Variants in KALRN observed in about 807,000 individuals in gnomAD.
KALRN encodes kalirin.
In KALRN, 70 loss-of-function variants were observed where a neutral mutation model predicts 353.7. The observed-to-expected ratio is 0.20, with a 90% CI of 0.16 to 0.24. The LOEUF is 0.24. Ranked by LOEUF, KALRN falls within the 10% of genes least tolerant of loss-of-function variation. The pLI, the probability that KALRN is intolerant of heterozygous loss-of-function variation, is 1.00. For synonymous variants in KALRN, 1,391 were observed against 1,434.8 expected (o/e 0.97, Z 0.69); for missense variants, 2,791 against 3,756.7 (o/e 0.74, Z 6.72).
chr3:124,409,338 A>G (rs2091923508), intron 13 of KALRN, among the ~76,000 whole-genome samples: 1 of 152,228 alleles, frequency 6.6e-6, no homozygotes. Flanking sequence ...GAGTTAAATC[A>G]CTAAATTCAC....
intron 3 of KALRN, among the ~76,000 whole-genome samples, chr3:124,244,979 CA>C (rs1187591989): frequency 1.3e-5 from 2 of 152,036 alleles, no homozygotes; most frequent in South Asian, 2.1e-4. Context: ...AGAAATTTAT[CA>C]TTTTTTTTGT....
At chr3:124,595,253 G>A (rs893727363) in intron 34 of KALRN, among the ~76,000 whole-genome samples, 2 of 151,592 alleles carry the variant, frequency 1.3e-5, no homozygotes, top group Non-Finnish European at 2.9e-5. Context: ...CATATTGAAC[G>A]ACTTCTACTA....
intron 1 of KALRN, among the ~76,000 whole-genome samples, chr3:124,057,568 C>T (rs933635695): frequency 6.6e-6 from 1 of 152,028 alleles, no homozygotes; most frequent in Non-Finnish European, 1.5e-5. Flanking sequence ...TGCAGCAGTC[C>T]TTATTGATTG....
At chr3:124,673,727 G>T (rs1214137146) in intron 48 of KALRN, among the ~76,000 whole-genome samples, 6 of 152,026 alleles carry the variant, frequency 3.9e-5, no homozygotes, top group African/African-American at 1.4e-4. Context: ...AGAGGCAGCT[G>T]CCCTGAAATA....
At chr3:124,302,800 T>C (rs1371626712) in intron 6 of KALRN, among the ~76,000 whole-genome samples, 1 of 151,898 alleles carries the variant, frequency 6.6e-6, no homozygotes, top group Non-Finnish European at 1.5e-5. Flanking sequence ...ATGGCTACCT[T>C]CTCACTGTGC....
intron 51 of KALRN, among the ~76,000 whole-genome samples, chr3:124,684,082 C>T (rs113430797): frequency 1.2e-4 from 19 of 152,250 alleles, no homozygotes; most frequent in African/African-American, 3.1e-4. Flanking sequence ...TTTTCATCAT[C>T]GCAAACAGAA....
At chr3:124,600,639 T>TTA (rs34435980) in intron 34 of KALRN, among the ~76,000 whole-genome samples, 1,575 of 151,130 alleles carry the variant, frequency 0.01, 26 homozygotes, top group African/African-American at 0.031. Flanking sequence ...ACCATGAAAT[T>TTA]TATATATATA....
chr3:124,418,136 A>T (rs75492966), intron 14 of KALRN, among the ~76,000 whole-genome samples: 1 of 149,736 alleles, frequency 6.7e-6, no homozygotes, highest in East Asian at 2.0e-4. Context: ...AAGAAAAAAA[A>T]TCTGTGGGCT....
chr3:124,046,006 A>T (rs956398230), intron 1 of KALRN, among the ~76,000 whole-genome samples: 11 of 152,290 alleles, frequency 7.2e-5, no homozygotes, highest in Middle Eastern at 3.4e-3. Flanking sequence ...AATCAAAAGG[A>T]CATTTTGGGG....
chr3:124,280,255 G>T (rs943472647), intron 5 of KALRN, among the ~76,000 whole-genome samples: 11 of 152,160 alleles, frequency 7.2e-5, no homozygotes, highest in African/African-American at 1.7e-4. Context: ...CCACAGCTTT[G>T]TGAGGCAGCC....
chr3:124,567,409 T>C (rs2072989677), intron 34 of KALRN, among the ~76,000 whole-genome samples: 1 of 152,122 alleles, frequency 6.6e-6, no homozygotes, highest in Non-Finnish European at 1.5e-5. Flanking sequence ...CTGCCTTCTG[T>C]GGGAGCAGTG....
At chr3:124,703,516 A>G (rs2062447497) in intron 57 of KALRN, among the ~76,000 whole-genome samples, 1 of 152,148 alleles carries the variant, frequency 6.6e-6, no homozygotes, top group Non-Finnish European at 1.5e-5. Context: ...GAGATCGGTT[A>G]TTGCTATGTT....
chr3:124,067,046 C>T (rs139663969), intron 1 of KALRN, among the ~76,000 whole-genome samples: 98 of 152,270 alleles, frequency 6.4e-4, no homozygotes, highest in South Asian at 1.0e-3. Context: ...AATGGTAGAT[C>T]CAGAAGGCTC....
chr3:124,273,371 A>G (rs924361521), intron 5 of KALRN, among the ~76,000 whole-genome samples: 1 of 152,266 alleles, frequency 6.6e-6, no homozygotes, highest in African/African-American at 2.4e-5. Flanking sequence ...AAGGGTGGGT[A>G]GGCCAGAAGT....
chr3:124,576,817 A>T (rs754852857), intron 34 of KALRN, among the ~76,000 whole-genome samples: 5 of 152,210 alleles, frequency 3.3e-5, no homozygotes, highest in Admixed American at 6.5e-5. Flanking sequence ...CACATAGTGG[A>T]CACTTAGCAA....
At chr3:124,201,187 G>T (rs1298582646) in intron 1 of KALRN, among the ~76,000 whole-genome samples, 1 of 152,252 alleles carries the variant, frequency 6.6e-6, no homozygotes, top group Non-Finnish European at 1.5e-5. Flanking sequence ...CATTGAGGCA[G>T]CTCTGGAATG....
At chr3:124,428,025 T>A (rs1290653392) in intron 15 of KALRN, among the ~76,000 whole-genome samples, 1 of 152,192 alleles carries the variant, frequency 6.6e-6, no homozygotes, top group Non-Finnish European at 1.5e-5. Flanking sequence ...ATGTTTGCAA[T>A]GTCACACAGC....
chr3:124,097,840 A>C (rs944928459), intron 1 of KALRN, among the ~76,000 whole-genome samples: 4 of 152,324 alleles, frequency 2.6e-5, no homozygotes, highest in East Asian at 1.9e-4. Flanking sequence ...TTGATGATTT[A>C]TTCTCCTTAA....
chr3:124,274,294 A>G (rs1260657344), intron 5 of KALRN, among the ~76,000 whole-genome samples: 1 of 152,246 alleles, frequency 6.6e-6, no homozygotes, highest in Admixed American at 6.5e-5. Flanking sequence ...GCTGATGCCA[A>G]TGATAAGTAT....
Sources: gnomAD v4.1 joint callset for allele counts (sites outside exome capture counted in the v4.1 genomes callset) on GRCh38, gnomAD v4.1.1 for gene constraint, MANE v1.5 for transcripts, NCBI Gene and HGNC (gene_info 2026-07-23, HGNC 2026-07-21) for gene names.